TMCC1: variants seen among roughly 807,000 people sequenced by gnomAD.
The protein encoded by TMCC1 is transmembrane and coiled-coil domains protein 1.
In TMCC1, 15 loss-of-function variants were observed where a neutral mutation model predicts 52.4. The observed-to-expected ratio is 0.29, with a 90% CI of 0.19 to 0.44. The LOEUF (loss-of-function observed/expected upper bound fraction) is 0.44. Among genes scored for constraint, TMCC1 ranks in the 20% least tolerant of loss-of-function variants. The pLI, the probability that TMCC1 is intolerant of heterozygous loss-of-function variation, is 1.00. For missense variants in TMCC1, 503 were observed against 806.0 expected (o/e 0.62, Z 4.55); for synonymous variants, 279 against 301.9 (o/e 0.92, Z 0.79).
rs528200209 is a variant in TMCC1 at position 129,883,131 on chromosome 3, AC to A, written c.-434-2573del. ...TGGTGAAACCCTGCCTCTACTAAAAACACACACACACACACACACACACACA... is the reference window on the plus strand; with the variant it reads ...TGGTGAAACCCTGCCTCTACTAAAAAACACACACACACACACACACACACA... On this transcript the variant is annotated intron_variant, in intron 1 of 6. Coordinates refer to ENST00000393238, the MANE Select transcript of TMCC1 (RefSeq NM_001017395.5). 2.4e-3 allele frequency among the ~76,000 whole-genome samples: 175 copies of A among 72,466 alleles called. 2 individuals are homozygous for A. The East Asian group carries it at 0.11, about 46-fold the overall frequency. 47.5% of individuals were successfully genotyped at this position (72,466 alleles called of 152,430 possible). A position where few individuals can be genotyped will look rare whatever the true frequency, so the allele number is the denominator to read the frequency against.
intron 4 of TMCC1, among the ~76,000 whole-genome samples, chr3:129,675,294 C>G (rs2088318753): frequency 6.6e-6 from 1 of 152,184 alleles, no homozygotes; most frequent in Non-Finnish European, 1.5e-5. Flanking sequence ...GAGTCTGGCT[C>G]CATATAGTAC....
At chr3:129,888,065 TGTAA>T (rs956093872) in intron 1 of TMCC1, among the ~76,000 whole-genome samples, 2 of 152,328 alleles carry the variant, frequency 1.3e-5, no homozygotes, top group South Asian at 4.1e-4. Flanking sequence ...AAGAACTATC[TGTAA>T]GTCTCTAGTT....
intron 4 of TMCC1, among the ~76,000 whole-genome samples, chr3:129,772,647 C>T (rs1336344108): frequency 7.4e-5 from 11 of 148,056 alleles, no homozygotes; most frequent in Non-Finnish European, 1.5e-5. Context: ...GGGGTGAACC[C>T]AGGAGGCAGA....
chr3:129,657,013 A>G (rs1238574437), intron 5 of TMCC1, among the ~76,000 whole-genome samples: 1 of 152,138 alleles, frequency 6.6e-6, no homozygotes. Context: ...TAGTTTCATC[A>G]TTCTCTCTCT....
At chr3:129,656,631 A>AT (rs1217184580) in intron 5 of TMCC1, 1 of 152,168 alleles carries the variant, frequency 6.6e-6, no homozygotes, top group East Asian at 1.9e-4. Flanking sequence ...AGAAACAAGG[A>AT]TTTTTTTAAA....
At chr3:129,870,853 T>G (rs1472914805) in intron 2 of TMCC1, among the ~76,000 whole-genome samples, 1 of 151,866 alleles carries the variant, frequency 6.6e-6, no homozygotes, top group African/African-American at 2.4e-5. Context: ...CCTGTCCTTT[T>G]AAAATGTAAC....
At chr3:129,892,346 G>A (rs562503878) in intron 1 of TMCC1, among the ~76,000 whole-genome samples, 46 of 152,238 alleles carry the variant, frequency 3.0e-4, no homozygotes, top group African/African-American at 1.1e-3. Context: ...AGAGGACAGG[G>A]TTATTAAGTT....
chr3:129,868,336 G>C (rs758489580), intron 2 of TMCC1, among the ~76,000 whole-genome samples: 1 of 152,178 alleles, frequency 6.6e-6, no homozygotes, highest in Non-Finnish European at 1.5e-5. Flanking sequence ...ATCTGTTTTT[G>C]TCACATCACA....
At chr3:129,686,051 T>A (rs1560188406) in intron 4 of TMCC1, among the ~76,000 whole-genome samples, 1 of 152,196 alleles carries the variant, frequency 6.6e-6, no homozygotes, top group Non-Finnish European at 1.5e-5. Flanking sequence ...ACTCTTATCA[T>A]CTCTCTCCTG....
intron 4 of TMCC1, among the ~76,000 whole-genome samples, chr3:129,737,026 C>G (rs1465935382): frequency 1.3e-5 from 2 of 152,162 alleles, no homozygotes; most frequent in South Asian, 2.1e-4. Context: ...ATATGATCCT[C>G]CACACTGCTA....
intron 4 of TMCC1, among the ~76,000 whole-genome samples, chr3:129,772,876 G>T (rs1253454051): frequency 2.0e-5 from 3 of 152,032 alleles, no homozygotes; most frequent in African/African-American, 4.8e-5. Flanking sequence ...ACAAAAATGT[G>T]AAAGTTACAA....
At chr3:129,709,778 A>C (rs899537037) in intron 4 of TMCC1, among the ~76,000 whole-genome samples, 6 of 152,094 alleles carry the variant, frequency 3.9e-5, no homozygotes, top group African/African-American at 4.8e-5. Context: ...GTGGGAGGAC[A>C]AAGCAGCATA....
intron 4 of TMCC1, among the ~76,000 whole-genome samples, chr3:129,696,175 C>T (rs2047406715): frequency 6.6e-6 from 1 of 152,186 alleles, no homozygotes; most frequent in South Asian, 2.1e-4. Context: ...CATTTGTCAC[C>T]TATTGTCTCT....
chr3:129,678,234 T>C lies in TMCC1; in HGVS notation c.577-6970A>G, dbSNP rs141745576. On this transcript the variant is annotated intron_variant, in intron 4 of 6. Transcript: ENST00000393238. The stretch of plus-strand genomic sequence containing the variant: ...CACGCCTGGCCAATTCTTTTTTTTT[T>C]CTCATATACCTTATATCCATATCCA... Among the ~76,000 whole-genome samples, 417 of 152,142 alleles carry C rather than the reference T, an allele frequency of 2.7e-3. 5 individuals carry two copies. The highest frequency in any genetic ancestry group is 9.4e-3 in the African/African-American group (392 of 41,508).
intron 4 of TMCC1, among the ~76,000 whole-genome samples, chr3:129,818,384 T>A (rs2058215303): frequency 6.6e-6 from 1 of 151,692 alleles, no homozygotes; most frequent in Admixed American, 6.6e-5. Flanking sequence ...ACTTTTTAAA[T>A]TTTCTTTAAA....
chr3:129,849,108 T>C (rs912105561), intron 2 of TMCC1, among the ~76,000 whole-genome samples: 8 of 152,220 alleles, frequency 5.3e-5, no homozygotes, highest in Non-Finnish European at 8.8e-5. Context: ...TACCACATCA[T>C]GATCATAAAT....
At chr3:129,789,109 T>G (rs2056263513) in intron 4 of TMCC1, among the ~76,000 whole-genome samples, 1 of 152,188 alleles carries the variant, frequency 6.6e-6, no homozygotes, top group African/African-American at 2.4e-5. Context: ...TTCCATTATT[T>G]GAAAACGTGC....
chr3:129,891,917 G>T (rs2061981595), intron 1 of TMCC1, among the ~76,000 whole-genome samples: 1 of 152,182 alleles, frequency 6.6e-6, no homozygotes, highest in Non-Finnish European at 1.5e-5. Flanking sequence ...TTAAAGTAAT[G>T]GTGGTTGGTC....
intron 4 of TMCC1, among the ~76,000 whole-genome samples, chr3:129,759,616 A>G (rs2053328443): frequency 6.9e-6 from 1 of 145,620 alleles, no homozygotes; most frequent in African/African-American, 2.5e-5. Context: ...CATGTTGCCC[A>G]GGCTGGTCTC....
Sources: gnomAD v4.1 joint callset for allele counts (sites outside exome capture counted in the v4.1 genomes callset) on GRCh38, gnomAD v4.1.1 for gene constraint, MANE v1.5 for transcripts, NCBI Gene and HGNC (gene_info 2026-07-23, HGNC 2026-07-21) for gene names.